FOXN3: variants seen among roughly 807,000 people sequenced by gnomAD.
FOXN3 encodes the protein forkhead box protein N3.
In FOXN3, 7 loss-of-function variants were observed where a neutral mutation model predicts 38.4. That is an observed-to-expected ratio of 0.18 (90% CI 0.10 to 0.34). FOXN3 has a LOEUF of 0.34. Ranked by LOEUF, FOXN3 falls within the 10% of genes least tolerant of loss-of-function variation. The probability of loss-of-function intolerance (pLI) is 1.00; values close to 1 mark genes in which losing one functional copy is unlikely to be tolerated. For synonymous variants in FOXN3, 230 were observed against 242.2 expected (o/e 0.95, Z 0.47); for missense variants, 456 against 613.4 (o/e 0.74, Z 2.71).
intron 3 of FOXN3, among the ~76,000 whole-genome samples, chr14:89,286,084 TG>T (rs896700961): frequency 1.3e-5 from 2 of 151,702 alleles, no homozygotes; most frequent in African/African-American, 4.8e-5. Context: ...TTGCTCAGGC[TG>T]ATCCCAAACA....
At chr14:89,439,335 T>G (rs1892331454) in intron 1 of FOXN3, among the ~76,000 whole-genome samples, 1 of 152,078 alleles carries the variant, frequency 6.6e-6, no homozygotes, top group Non-Finnish European at 1.5e-5. Context: ...AGTCTCAGGA[T>G]GAAATGAGAG....
upstream of FOXN3, chr14:89,417,911 G>C (rs1891798180): frequency 5.7e-6 from 2 of 348,798 alleles, no homozygotes; most frequent in South Asian, 4.1e-5. Flanking sequence ...CCTCTCAAGT[G>C]GGTTGTGCGG....
At chr14:89,294,678 C>T (rs1209325947) in intron 3 of FOXN3, among the ~76,000 whole-genome samples, 1 of 152,148 alleles carries the variant, frequency 6.6e-6, no homozygotes, top group Non-Finnish European at 1.5e-5. Context: ...TCTGGTGGTC[C>T]TCACTGCTAC....
At position 89,333,987 on chromosome 14, in the gene FOXN3, TA is replaced by T. The variant is rs1888351509; in HGVS notation, c.680+16684del. ...GTGTGTATATATATATATATATATA[TA>T]TATATATATATATATATATATGTAT... On this transcript the variant is annotated intron_variant, in intron 3 of 5. Transcript: ENST00000557258. Among the ~76,000 whole-genome samples the T allele has an allele frequency of 3.1e-5, 2 of 65,062 alleles. 1 individual carries two copies. The highest frequency in any genetic ancestry group is 5.5e-5 in the Non-Finnish European group (2 of 36,328). 42.7% of individuals were successfully genotyped at this position (65,062 alleles called of 152,430 possible). A position where few individuals can be genotyped will look rare whatever the true frequency, so the allele number is the denominator to read the frequency against.
At chr14:89,499,791 T>C (rs575575200) in intron 1 of FOXN3, among the ~76,000 whole-genome samples, 4 of 152,338 alleles carry the variant, frequency 2.6e-5, no homozygotes, top group Admixed American at 6.5e-5. Flanking sequence ...ACATGTTCCC[T>C]GTGCCTCTTT....
rs950612477 is a variant in FOXN3 at position 89,157,745 on chromosome 14, G to A, written c.*4669C>T. 6.6e-6 allele frequency: 1 copy of A among 152,582 alleles called. No homozygotes were observed. Among genetic ancestry groups the A allele is most frequent in the Non-Finnish European group, 1.5e-5 (1 of 68,038 alleles). The allele number at this position is 152,582 out of a possible 1,614,324, so 9.5% of individuals were successfully genotyped here. On this transcript the variant is annotated 3_prime_UTR_variant, in exon 6 of 6. Coordinates refer to ENST00000557258, the MANE Select transcript of FOXN3 (RefSeq NM_005197.4). Reference sequence around the variant, plus strand: ...GTGTTGATGTATATTATATATAGTAGTATAAATAATAAAAAAGTATTATTT... The same window carrying A: ...GTGTTGATGTATATTATATATAGTAATATAAATAATAAAAAAGTATTATTT...
chr14:89,545,968 G>T (rs952724736), intron 1 of FOXN3, among the ~76,000 whole-genome samples: 2 of 152,180 alleles, frequency 1.3e-5, no homozygotes, highest in Admixed American at 1.3e-4. Flanking sequence ...TGTGCCCCAC[G>T]TGCAGTCCTA....
intron 3 of FOXN3, among the ~76,000 whole-genome samples, chr14:89,331,918 T>C (rs71426908): frequency 8.7e-4 from 132 of 152,252 alleles, no homozygotes; most frequent in Non-Finnish European, 1.4e-3. Context: ...TTGGTGTTCC[T>C]TGGAATATGT....
At chr14:89,398,487 A>G (rs747870160) in intron 2 of FOXN3, among the ~76,000 whole-genome samples, 2 of 152,286 alleles carry the variant, frequency 1.3e-5, no homozygotes, top group Non-Finnish European at 2.9e-5. Flanking sequence ...AAGCTTTGCT[A>G]GTTTGGGAAT....
chr14:89,293,357 T>G (rs1886935900), intron 3 of FOXN3, among the ~76,000 whole-genome samples: 1 of 151,926 alleles, frequency 6.6e-6, no homozygotes, highest in Non-Finnish European at 1.5e-5. Context: ...GACTGGGGGG[T>G]TTAAGCAACA....
At chr14:89,346,425 G>C (rs892682785) in intron 3 of FOXN3, among the ~76,000 whole-genome samples, 2 of 152,128 alleles carry the variant, frequency 1.3e-5, no homozygotes, top group Non-Finnish European at 2.9e-5. Context: ...CCCTGTTTCT[G>C]ATGACCTTGG....
chr14:89,272,339 A>G (rs931258476), intron 4 of FOXN3, among the ~76,000 whole-genome samples: 2 of 152,098 alleles, frequency 1.3e-5, no homozygotes, highest in Admixed American at 6.5e-5. Context: ...TGGTTGCACA[A>G]TGCTGCAACT....
At chr14:89,516,280 T>C (rs1437067700) in intron 1 of FOXN3, among the ~76,000 whole-genome samples, 1 of 152,176 alleles carries the variant, frequency 6.6e-6, no homozygotes, top group Non-Finnish European at 1.5e-5. Context: ...GTTTCTCCTC[T>C]CTGCTTTCTC....
chr14:89,303,924 C>T (rs1437596754), intron 3 of FOXN3, among the ~76,000 whole-genome samples: 3 of 152,160 alleles, frequency 2.0e-5, no homozygotes, highest in African/African-American at 4.8e-5. Flanking sequence ...GACAAGACGC[C>T]TTGTAACTTT....
At chr14:89,618,597 T>A (rs1207917499) in intron 1 of FOXN3, among the ~76,000 whole-genome samples, 3 of 152,188 alleles carry the variant, frequency 2.0e-5, no homozygotes, top group Admixed American at 6.5e-5. Context: ...AAACTCCACA[T>A]TTAACACGTT....
At chr14:89,326,509 C>A (rs1170916438) in intron 3 of FOXN3, among the ~76,000 whole-genome samples, 1 of 152,202 alleles carries the variant, frequency 6.6e-6, no homozygotes, top group Non-Finnish European at 1.5e-5. Flanking sequence ...GAGTGGTGCA[C>A]ACACTCACAG....
At chr14:89,191,929 C>T (rs932790974) in intron 4 of FOXN3, among the ~76,000 whole-genome samples, 4 of 142,966 alleles carry the variant, frequency 2.8e-5, no homozygotes, top group Non-Finnish European at 5.9e-5. Context: ...AAAACAGTCA[C>T]CATTTCCCAC....
chr14:89,324,056 C>CA (rs1323395608), intron 3 of FOXN3, among the ~76,000 whole-genome samples: 7 of 152,136 alleles, frequency 4.6e-5, no homozygotes, highest in Non-Finnish European at 1.0e-4. Flanking sequence ...ATCATATAGA[C>CA]AACATCTAAG....
chr14:89,234,635 C>G (rs1258527033), intron 4 of FOXN3, among the ~76,000 whole-genome samples: 1 of 151,948 alleles, frequency 6.6e-6, no homozygotes, highest in African/African-American at 2.4e-5. Flanking sequence ...CTCTCTCTCT[C>G]TCTCTGCCCC....
Sources: gnomAD v4.1 joint callset for allele counts (sites outside exome capture counted in the v4.1 genomes callset) on GRCh38, gnomAD v4.1.1 for gene constraint, MANE v1.5 for transcripts, NCBI Gene and HGNC (gene_info 2026-07-23, HGNC 2026-07-21) for gene names.